The following ZZEF1 variants were observed in gnomAD, a reference collection of about 807,000 sequenced individuals.
The protein encoded by ZZEF1 is zinc finger ZZ-type and EF-hand domain containing 1, also known as zinc finger ZZ-type and EF-hand domain-containing protein 1.
In ZZEF1, 157 loss-of-function variants were observed where a neutral mutation model predicts 342.8. That is an observed-to-expected ratio of 0.46 (90% CI 0.40 to 0.52). The LOEUF (loss-of-function observed/expected upper bound fraction) is 0.52, where lower values mean the gene tolerates loss of function less well. Ranked by LOEUF, ZZEF1 falls within the 20% of genes least tolerant of loss-of-function variation. ZZEF1 has a pLI of 0.00. For missense variants in ZZEF1, 3,480 were observed against 3,725.6 expected (o/e 0.93, Z 1.72); for synonymous variants, 1,505 against 1,429.1 (o/e 1.05, Z -1.20).
At chr17:4,072,863 C>G (rs1343290486) in intron 24 of ZZEF1, 107 bp from the exon 25 acceptor site, 7 of 1,211,376 alleles carry the variant, frequency 5.8e-6, no homozygotes, top group Non-Finnish European at 8.0e-6. Context: ...ACTATTAAAA[C>G]TTAGAGAAAG....
rs1185620567 is a variant in ZZEF1, at chr17:4,114,379, C to G, written c.786G>C (p.Ser262=). ...CATTTGTCATCTTGTCAATGTCTGC[C>G]GAGTTGGAGGATGTTTCTATATAAG... ...CYAYIETSSN[S]ADIDKMTNGE... The change falls in exon 4 of 55, where the codon TCG becomes TCC. Residue 262 remains serine, a synonymous_variant. Coordinates refer to ENST00000381638, the MANE Select transcript of ZZEF1 (RefSeq NM_015113.4). The G allele has an allele frequency of 8.1e-6, 13 of 1,612,022 alleles. No homozygotes were observed. Among genetic ancestry groups the G allele is most frequent in the Non-Finnish European group, 1.0e-5 (12 of 1,179,106 alleles).
rs1225205183 is a variant in ZZEF1 at position 4,016,115 on chromosome 17, G to A, written c.8145+208C>T. Among the ~76,000 whole-genome samples, 1 of 152,296 alleles carries A rather than the reference G, an allele frequency of 6.6e-6. No individual in the cohort carries two copies. The highest frequency in any genetic ancestry group is 1.9e-4 in the East Asian group (1 of 5,176). The stretch of plus-strand genomic sequence containing the variant: ...TCTTCTATTAAAACAAGAAAAGTCC[G>A]GAGAAGAGAAGACTTGCTTGTACAG... On this transcript the variant is annotated intron_variant, in intron 49 of 54. Transcript: ENST00000381638. The surrounding 1 kb of genome is among the most constrained non-coding windows in gnomAD (Gnocchi z 4.4).
Position 4,051,126 on chromosome 17 carries a change from G to A in ZZEF1, c.5601-83C>T, listed in dbSNP as rs528394097. The A allele has an allele frequency of 4.8e-5, 76 of 1,591,816 alleles. 1 individual carries two copies. The highest frequency in any genetic ancestry group is 4.6e-4 in the Admixed American group (27 of 58,680). On this transcript the variant is annotated intron_variant, in intron 35 of 54. Coordinates refer to ENST00000381638, the MANE Select transcript of ZZEF1 (RefSeq NM_015113.4). ...AACAGGAGCACAGGGCCTTAGGAGA[G>A]CATGTGGTCGCAACTGGGCATTAGT... is the stretch of plus-strand genomic sequence containing the variant.
At chr17:4,056,981 T>C (rs1210014075) in intron 32 of ZZEF1, 2 of 152,222 alleles carry the variant, frequency 1.3e-5, no homozygotes. Flanking sequence ...TTTTAACAAA[T>C]AGAACTTTAA....
At chr17:4,101,502 A>C (rs2058126187) in intron 9 of ZZEF1, among the ~76,000 whole-genome samples, 1 of 152,238 alleles carries the variant, frequency 6.6e-6, no homozygotes, top group Non-Finnish European at 1.5e-5. Context: ...TCACGAGATA[A>C]GGAAAGAGCC....
In ZZEF1 at chr17:4,081,394, G is replaced by T; in HGVS notation, c.2811C>A (p.Val937=). 6.2e-7 allele frequency: 1 copy of T among 1,613,556 alleles called. No individual in the cohort carries two copies. Residue 937 remains valine, a synonymous_variant, in exon 18 of 55, where the codon GTC becomes GTA. Transcript: ENST00000381638. ...SEVLAVMDTL[V]SVAARECELL... ...TGGATACCTCTCGAGCAGCAACAGA[G>T]ACGAGAGTGTCCATGACCGCCAGGA...
intron 8 of ZZEF1, among the ~76,000 whole-genome samples, 194 bp downstream of exon 8, chr17:4,104,439 G>A (rs371947350): frequency 1.1e-4 from 16 of 152,228 alleles, no homozygotes; most frequent in African/African-American, 2.9e-4. Flanking sequence ...TCACATAAAT[G>A]AACCTAAATC....
intron 11 of ZZEF1, among the ~76,000 whole-genome samples, chr17:4,091,177 G>A (rs767582094): frequency 6.6e-6 from 1 of 152,214 alleles, no homozygotes; most frequent in African/African-American, 2.4e-5. Context: ...TCTGGAAAGT[G>A]CCAGAAAAGA....
chr17:4,033,185 G>A (rs185838081), intron 40 of ZZEF1, 183 bp from the exon 41 acceptor site: 1 of 580,976 alleles, frequency 1.7e-6, no homozygotes, highest in East Asian at 2.8e-5. Flanking sequence ...ATCAAGACTT[G>A]TTACTTACAT....
chr17:4,091,301 G>A (rs1476216346), intron 11 of ZZEF1, among the ~76,000 whole-genome samples: 3 of 152,080 alleles, frequency 2.0e-5, no homozygotes, highest in African/African-American at 4.8e-5. Flanking sequence ...AGATCCTGGA[G>A]GTCCAAAAAA....
At chr17:4,067,925 A>G (rs543626377) in intron 26 of ZZEF1, among the ~76,000 whole-genome samples, 6 of 152,232 alleles carry the variant, frequency 3.9e-5, no homozygotes, top group African/African-American at 1.4e-4. Flanking sequence ...CAAAAAATAA[A>G]AAATTGTCCA....
rs138434322 is a variant in ZZEF1 at position 4,092,279 on chromosome 17, AAC to A, written c.1914-1451_1914-1450del. 8.2e-3 allele frequency among the ~76,000 whole-genome samples: 1,218 copies of A among 148,244 alleles called. 16 individuals carry two copies. Among genetic ancestry groups the A allele is most frequent in the African/African-American group, 0.029 (1,162 of 40,254 alleles). On this transcript the variant is annotated intron_variant, in intron 11 of 54. Transcript: ENST00000381638. ...GAAGACAATCCCGAGTAGGTTCTGT[AAC>A]AGAGAGAAAACATGTCCCTTTTTTT...
intron 2 of ZZEF1, among the ~76,000 whole-genome samples, chr17:4,119,336 T>C (rs2058447479): frequency 6.6e-6 from 1 of 152,330 alleles, no homozygotes; most frequent in South Asian, 2.1e-4. Context: ...TCTTTCAAGT[T>C]CTTGATGGTG....
rs1239657710 is a variant in ZZEF1, at chr17:4,009,877, A to G, written c.8580-120T>C. On this transcript the variant is annotated intron_variant, in intron 52 of 54. Coordinates refer to ENST00000381638, the MANE Select transcript of ZZEF1 (RefSeq NM_015113.4). ...TCTCCCACAGCTGGTACAAATGATT[A>G]TAAAGTCGCCTCACCTATGCTCCCC... is the stretch of plus-strand genomic sequence containing the variant. 3.2e-6 allele frequency: 4 copies of G among 1,235,432 alleles called. No individual in the cohort carries two copies. In the African/African-American group the frequency reaches 6.1e-5, roughly 19 times the overall value. The allele number at this position is 1,235,432 out of a possible 1,614,324, so 76.5% of individuals were successfully genotyped here. A position where few individuals can be genotyped will look rare whatever the true frequency, so the allele number is the denominator to read the frequency against.
At chr17:4,114,960 T>A (rs1597913568) in intron 3 of ZZEF1, among the ~76,000 whole-genome samples, 1 of 152,220 alleles carries the variant, frequency 6.6e-6, no homozygotes, top group Non-Finnish European at 1.5e-5. Flanking sequence ...TGATCAAATG[T>A]ATATATAAAC....
At position 4,044,356 on chromosome 17, in the gene ZZEF1, C is replaced by T. The variant is rs759871130; in HGVS notation, c.6034G>A (p.Glu2012Lys). ...TTGAAATCTACAGGTCTGATTTCCT[C>T]ATGAACAGCTCTCTTTCCCTAAAAA... Reference protein sequence around the residue: ...EAGNGKRAVHEEIRPVDFKQR... With the variant: ...EAGNGKRAVHKEIRPVDFKQR... The change falls in exon 38 of 55, where the codon GAG becomes AAG. Residue 2012 changes from glutamate to lysine, a missense_variant. Glu to Lys is a moderately conservative substitution (Grantham distance 56). Transcript: ENST00000381638. 14 of 1,612,688 alleles carry T rather than the reference C, an allele frequency of 8.7e-6. No individual in the cohort carries two copies. Among genetic ancestry groups the T allele is most frequent in the Non-Finnish European group, 1.2e-5 (14 of 1,179,540 alleles).
intron 9 of ZZEF1, among the ~76,000 whole-genome samples, chr17:4,097,193 G>A (rs2058050612): frequency 6.6e-6 from 1 of 151,438 alleles, no homozygotes; most frequent in Admixed American, 6.6e-5. Flanking sequence ...CCCGGGAGGC[G>A]GAGCTTGGAG....
Position 4,125,294 on chromosome 17 carries a change from C to A in ZZEF1, c.355-1243G>T, listed in dbSNP as rs112559532. Among the ~76,000 whole-genome samples the A allele has an allele frequency of 2.4e-3, 366 of 152,282 alleles. 1 individual carries two copies. The highest frequency in any genetic ancestry group is 3.8e-3 in the Non-Finnish European group (261 of 68,028). On this transcript the variant is annotated intron_variant, in intron 1 of 54. Coordinates refer to ENST00000381638, the MANE Select transcript of ZZEF1 (RefSeq NM_015113.4). ...GTCTTTAAGCCTCCTTTCCAAGTAA[C>A]CCTCTCTCTTTCTTAAAACTCCTGC... is the stretch of plus-strand genomic sequence containing the variant.
rs555951695 is a variant in ZZEF1 at position 4,097,212 on chromosome 17, A to C, written c.1673-512T>G. On this transcript the variant is annotated intron_variant, in intron 9 of 54. Coordinates refer to ENST00000381638, the MANE Select transcript of ZZEF1 (RefSeq NM_015113.4). The stretch of plus-strand genomic sequence containing the variant: ...GGAGGCGGAGCTTGGAGATTGTGCC[A>C]CTGCACTCCAGCCTGGGCAACAGAG... Among the ~76,000 whole-genome samples, 5 of 151,586 alleles carry C rather than the reference A, an allele frequency of 3.3e-5. No homozygotes were observed. The South Asian group carries it at 1.0e-3, about 32-fold the overall frequency.
Sources: gnomAD v4.1 joint callset for allele counts (sites outside exome capture counted in the v4.1 genomes callset) on GRCh38, gnomAD v4.1.1 for gene constraint, Gnocchi (gnomAD v3.1) non-coding constraint, MANE v1.5 for transcripts, NCBI Gene and HGNC (gene_info 2026-07-23, HGNC 2026-07-21) for gene names.